The following DSCAM variants were observed in gnomAD, a reference collection of about 807,000 sequenced individuals.
DSCAM encodes the protein DS cell adhesion molecule.
In DSCAM, 47 loss-of-function variants were observed where a neutral mutation model predicts 217.7. The ratio of observed to expected loss-of-function variants is 0.22; its 90% CI spans 0.17 to 0.28. DSCAM has a LOEUF of 0.28. DSCAM is among the 10% of genes least tolerant of loss of function. The pLI is 1.00. For synonymous variants in DSCAM, 1,056 were observed against 1,015.3 expected (o/e 1.04, Z -0.76); for missense variants, 2,080 against 2,618.3 (o/e 0.79, Z 4.49).
chr21:40,178,372 A>C (rs1186658670), intron 15 of DSCAM, among the ~76,000 whole-genome samples: 1 of 152,204 alleles, frequency 6.6e-6, no homozygotes, highest in Non-Finnish European at 1.5e-5. Flanking sequence ...CACAATGCTT[A>C]TCTCTATCTT....
At chr21:40,734,031 CTT>C (rs2091038817) in intron 1 of DSCAM, among the ~76,000 whole-genome samples, 1 of 152,160 alleles carries the variant, frequency 6.6e-6, no homozygotes. Context: ...ACTGTTGAAT[CTT>C]AAACAGATGA....
chr21:40,598,739 G>A lies in DSCAM; in HGVS notation c.508+94071C>T, dbSNP rs746523600. ...AGGATGGACTTGATCTCTTGACCTTGTGATCTGCCCACCTCGGCCTCCCAA... is the reference window on the plus strand; with the variant it reads ...AGGATGGACTTGATCTCTTGACCTTATGATCTGCCCACCTCGGCCTCCCAA... On this transcript the variant is annotated intron_variant, in intron 3 of 32. Transcript: ENST00000400454. 7.9e-5 allele frequency among the ~76,000 whole-genome samples: 12 copies of A among 151,916 alleles called. No individual in the cohort carries two copies. In the East Asian group the frequency reaches 2.1e-3, roughly 27 times the overall value.
intron 11 of DSCAM, among the ~76,000 whole-genome samples, chr21:40,244,806 G>T (rs1049452303): frequency 2.0e-5 from 3 of 152,182 alleles, no homozygotes; most frequent in African/African-American, 4.8e-5. Flanking sequence ...CAGAAGCCAG[G>T]GGGTGGGATG....
intron 16 of DSCAM, among the ~76,000 whole-genome samples, chr21:40,161,579 C>T (rs2090542329): frequency 6.6e-6 from 1 of 152,114 alleles, no homozygotes; most frequent in African/African-American, 2.4e-5. Context: ...GAGTCTAGTC[C>T]ACCTAAAAAA....
chr21:40,306,920 C>T (rs200593504), intron 9 of DSCAM, among the ~76,000 whole-genome samples: 8 of 150,870 alleles, frequency 5.3e-5, no homozygotes, highest in Admixed American at 2.7e-4. Context: ...GGTTGTGTCT[C>T]TGCCCAGCTT....
chr21:40,207,082 A>G (rs1335322146), intron 11 of DSCAM, among the ~76,000 whole-genome samples: 4 of 152,238 alleles, frequency 2.6e-5, no homozygotes, highest in African/African-American at 9.6e-5. Flanking sequence ...ATGCAAACAA[A>G]TAAATATGGA....
rs148013451 is a variant in DSCAM at position 40,142,991 on chromosome 21, A to AC, written c.3260-288dup. ...ACAGTTGTTGGGACTTGAGTCGTGT[A>AC]CCCTTCTTAATTTTATTGCCTGAGT... is the stretch of plus-strand genomic sequence containing the variant. On this transcript the variant is annotated intron_variant, in intron 17 of 32. Transcript: ENST00000400454. Among the ~76,000 whole-genome samples, 558 of 152,162 alleles carry AC rather than the reference A, an allele frequency of 3.7e-3. 5 individuals carry two copies. Among genetic ancestry groups the AC allele is most frequent in the Non-Finnish European group, 4.0e-3 (269 of 67,990 alleles).
intron 20 of DSCAM, among the ~76,000 whole-genome samples, chr21:40,113,508 G>T (rs2089927037): frequency 6.6e-6 from 1 of 152,176 alleles, no homozygotes; most frequent in Non-Finnish European, 1.5e-5. Flanking sequence ...GCACAAGACA[G>T]GGATGCCCTC....
chr21:40,067,164 A>T (rs1008679496), intron 27 of DSCAM, among the ~76,000 whole-genome samples: 2 of 152,192 alleles, frequency 1.3e-5, no homozygotes, highest in African/African-American at 4.8e-5. Context: ...TAAGGTGTTG[A>T]GTATCTCATG....
intron 3 of DSCAM, among the ~76,000 whole-genome samples, chr21:40,496,403 G>A (rs1487593042): frequency 6.6e-6 from 1 of 152,094 alleles, no homozygotes; most frequent in African/African-American, 2.4e-5. Flanking sequence ...TTCAACAAAG[G>A]TGCCAGGAAC....
intron 32 of DSCAM, among the ~76,000 whole-genome samples, chr21:40,029,245 G>C (rs1414065043): frequency 6.6e-6 from 1 of 152,054 alleles, no homozygotes; most frequent in Admixed American, 6.6e-5. Flanking sequence ...GCCGTCAAGA[G>C]AAGCCATTAC....
chr21:40,371,264 T>C (rs183490043), intron 3 of DSCAM, among the ~76,000 whole-genome samples: 14 of 152,274 alleles, frequency 9.2e-5, no homozygotes, highest in Admixed American at 7.9e-4. Context: ...AAAAATACCT[T>C]TTACCACTTG....
Position 40,800,294 on chromosome 21 carries a change from A to G in DSCAM, c.43+46325T>C, listed in dbSNP as rs374741963. 1.2e-4 allele frequency among the ~76,000 whole-genome samples: 18 copies of G among 152,274 alleles called. 1 individual carries two copies. Among genetic ancestry groups the G allele is most frequent in the African/African-American group, 4.3e-4 (18 of 41,558 alleles). ...TAAGCAATACGAACTAAGACAGAAAATTGGTACCAGGAGTGGGGTGTTGAT... is the reference window on the plus strand; with the variant it reads ...TAAGCAATACGAACTAAGACAGAAAGTTGGTACCAGGAGTGGGGTGTTGAT... On this transcript the variant is annotated intron_variant, in intron 1 of 32. Coordinates refer to ENST00000400454, the MANE Select transcript of DSCAM (RefSeq NM_001389.5).
chr21:40,234,331 G>A (rs1484131212), intron 11 of DSCAM, among the ~76,000 whole-genome samples: 1 of 152,184 alleles, frequency 6.6e-6, no homozygotes, highest in Admixed American at 6.5e-5. Context: ...TAACATCTCT[G>A]AGCCACACAG....
At chr21:40,092,783 G>A (rs1471418172) in intron 21 of DSCAM, among the ~76,000 whole-genome samples, 1 of 152,074 alleles carries the variant, frequency 6.6e-6, no homozygotes, top group Non-Finnish European at 1.5e-5. Context: ...ACCAAAGAGT[G>A]TAATACATAA....
At chr21:40,167,181 G>C in intron 16 of DSCAM, 37 bp downstream of exon 16, 1 of 1,599,162 alleles carries the variant, frequency 6.3e-7, no homozygotes, top group South Asian at 1.1e-5. Context: ...CGCCCTGGGG[G>C]GAAAGCACCG....
chr21:40,224,197 A>G (rs2091312025), intron 11 of DSCAM, among the ~76,000 whole-genome samples: 1 of 152,240 alleles, frequency 6.6e-6, no homozygotes, highest in Non-Finnish European at 1.5e-5. Flanking sequence ...TCAAAGCAGT[A>G]TAATCTTTCA....
chr21:40,350,876 A>G (rs1268596406), intron 5 of DSCAM, among the ~76,000 whole-genome samples: 1 of 59,038 alleles, frequency 1.7e-5, no homozygotes, highest in African/African-American at 5.9e-5. Flanking sequence ...AATAAGTCAT[A>G]CTTTTTTTTT....
chr21:40,265,817 C>T (rs73369833), intron 11 of DSCAM, among the ~76,000 whole-genome samples: 5,968 of 152,082 alleles, frequency 0.039, 338 homozygotes, highest in East Asian at 0.22. Context: ...TATATAAGAG[C>T]GAAACTGGAT....
Sources: gnomAD v4.1 joint callset for allele counts (sites outside exome capture counted in the v4.1 genomes callset) on GRCh38, gnomAD v4.1.1 for gene constraint, MANE v1.5 for transcripts, NCBI Gene and HGNC (gene_info 2026-07-23, HGNC 2026-07-21) for gene names.